Variants in TEX9 observed in about 807,000 individuals in gnomAD.
TEX9 encodes the protein testis-expressed protein 9.
Under a neutral mutation model 59.6 loss-of-function variants are expected in TEX9, and 74 were observed. That is an observed-to-expected ratio of 1.24 (90% confidence interval 1.03 to 1.51). TEX9 has a LOEUF of 1.51. Ranked by LOEUF, TEX9 falls within the 40% of genes most tolerant of loss-of-function variation. The probability of loss-of-function intolerance (pLI) is 0.00; values close to 1 mark genes in which losing one functional copy is unlikely to be tolerated. For missense variants in TEX9, 522 were observed against 447.8 expected (o/e 1.17, Z -1.49); for synonymous variants, 186 against 152.2 (o/e 1.22, Z -1.64).
At chr15:56,324,308 G>A (rs184674572) in intron 1 of TEX9, among the ~76,000 whole-genome samples, 1 of 152,082 alleles carries the variant, frequency 6.6e-6, no homozygotes, top group East Asian at 1.9e-4. Flanking sequence ...CTTCCTGGAA[G>A]CCTGCATATC....
At chr15:56,412,374 A>G (rs1179626037) in exon 10 of TEX9, 2 of 1,613,452 alleles carry the variant, frequency 1.2e-6, no homozygotes, top group Non-Finnish European at 1.7e-6. Flanking sequence ...TCGCTTGAAT[A>G]GAGCTCTAGA....
At chr15:56,270,807 G>A (rs898715436) in intron 1 of TEX9, among the ~76,000 whole-genome samples, 3 of 152,162 alleles carry the variant, frequency 2.0e-5, no homozygotes, top group Admixed American at 2.0e-4. Flanking sequence ...GCTTCCTTCA[G>A]GAGCTCTTGT....
intron 2 of TEX9, 89 bp downstream of exon 2, chr15:56,365,759 C>T (rs1396969830): frequency 1.3e-6 from 2 of 1,553,484 alleles, no homozygotes; most frequent in African/African-American, 2.7e-5. Flanking sequence ...CTGGCTGGAT[C>T]TTCGGGACCA....
chr15:56,423,950 A>C (rs1251596418), intron 10 of TEX9, among the ~76,000 whole-genome samples: 1 of 151,786 alleles, frequency 6.6e-6, no homozygotes, highest in Non-Finnish European at 1.5e-5. Flanking sequence ...AGTCCATTAT[A>C]TCCTTCTTAT....
chr15:56,363,398 A>T (rs1596117267), upstream of TEX9, among the ~76,000 whole-genome samples: 1 of 150,924 alleles, frequency 6.6e-6, no homozygotes, highest in Admixed American at 6.6e-5. Context: ...CAAACTCTTG[A>T]CCTCTGGTGA....
At chr15:56,417,979 GTC>G (rs2049779961) in intron 10 of TEX9, among the ~76,000 whole-genome samples, 1 of 151,574 alleles carries the variant, frequency 6.6e-6, no homozygotes, top group South Asian at 2.1e-4. Flanking sequence ...GAAACGTTTT[GTC>G]TGAAATTAGA....
chr15:56,269,822 T>A (rs2044482056), intron 1 of TEX9, among the ~76,000 whole-genome samples: 1 of 151,694 alleles, frequency 6.6e-6, no homozygotes, highest in South Asian at 2.1e-4. Flanking sequence ...ACCTGGATAA[T>A]TTTTTTTGTA....
intron 1 of TEX9, among the ~76,000 whole-genome samples, chr15:56,358,249 A>G (rs1263528862): frequency 6.6e-6 from 1 of 151,874 alleles, no homozygotes; most frequent in Non-Finnish European, 1.5e-5. Context: ...GATCTTGTTT[A>G]TTTGTGGGGA....
intron 1 of TEX9, among the ~76,000 whole-genome samples, chr15:56,293,316 G>T (rs998245892): frequency 1.3e-5 from 2 of 152,032 alleles, no homozygotes; most frequent in Non-Finnish European, 2.9e-5. Context: ...CAGCATGGGC[G>T]ACAGAGTGAG....
At chr15:56,426,589 G>GTATATATATATATATATATA (rs71110391) in intron 10 of TEX9, among the ~76,000 whole-genome samples, 1 of 24,306 alleles carries the variant, frequency 4.1e-5, no homozygotes, top group African/African-American at 6.4e-5. Flanking sequence ...TTGAAAAGGT[G>GTATATATATATATATATATA]TATATATATA....
chr15:56,281,223 G>T (rs755106365), intron 1 of TEX9, among the ~76,000 whole-genome samples: 40 of 152,188 alleles, frequency 2.6e-4, no homozygotes, highest in Non-Finnish European at 5.9e-5. Flanking sequence ...CCCCTTTAAA[G>T]TTAAATGAAA....
chr15:56,383,393 G>A (rs1235037758), intron 3 of TEX9, among the ~76,000 whole-genome samples: 1 of 152,216 alleles, frequency 6.6e-6, no homozygotes, highest in Non-Finnish European at 1.5e-5. Flanking sequence ...TTGTGATGAT[G>A]TTTTTGTGTG....
chr15:56,252,223 G>A lies in TEX9; in HGVS notation c.-107+7945G>A, dbSNP rs527857630. Among the ~76,000 whole-genome samples, 15 of 149,458 alleles carry A rather than the reference G, an allele frequency of 1.0e-4. No homozygotes were observed. In the South Asian group the frequency reaches 2.1e-3, roughly 21 times the overall value. ...TTGTAGGTTTGTTTGCCTATTTCTT[G>A]CATCTACACTCCCTCTACCTGACTT... On this transcript the variant is annotated intron_variant, in intron 1 of 5. Coordinates refer to the TEX9 transcript ENST00000560827.
intron 12 of TEX9, among the ~76,000 whole-genome samples, chr15:56,437,878 G>C (rs1235249312): frequency 5.9e-5 from 9 of 152,066 alleles, no homozygotes; most frequent in African/African-American, 2.2e-4. Context: ...GCTTCAAAGA[G>C]AATAAAATAC....
intron 1 of TEX9, among the ~76,000 whole-genome samples, chr15:56,263,607 A>G (rs993679820): frequency 2.0e-5 from 3 of 152,124 alleles, no homozygotes; most frequent in South Asian, 2.1e-4. Context: ...AGATAGTTCT[A>G]TGAGTTTTGA....
Position 56,250,772 on chromosome 15 carries a change from A to C in TEX9, c.-107+6494A>C, listed in dbSNP as rs148427696. 1.6e-3 allele frequency among the ~76,000 whole-genome samples: 238 copies of C among 152,232 alleles called. 1 individual carries two copies. Among genetic ancestry groups the C allele is most frequent in the African/African-American group, 4.1e-3 (171 of 41,534 alleles). On this transcript the variant is annotated intron_variant, in intron 1 of 5. Transcript: ENST00000560827. ...TCTTCTTCCTTAGGGAAAAAAAAAA[A>C]CAAAATAATTCAGTTTTGCTCTTAA...
intron 9 of TEX9, 36 bp downstream of exon 9, chr15:56,394,870 A>C (rs1369297088): frequency 6.4e-7 from 1 of 1,574,434 alleles, no homozygotes; most frequent in African/African-American, 1.4e-5. Flanking sequence ...TTAATGCCAC[A>C]GATACAAGAA....
chr15:56,283,874 T>C (rs1454255754), intron 1 of TEX9, among the ~76,000 whole-genome samples: 2 of 152,132 alleles, frequency 1.3e-5, no homozygotes, highest in South Asian at 2.1e-4. Flanking sequence ...TAAATTGATA[T>C]ACAAAGGGAT....
chr15:56,261,398 G>C (rs1445127546), intron 1 of TEX9, among the ~76,000 whole-genome samples: 1 of 151,846 alleles, frequency 6.6e-6, no homozygotes, highest in African/African-American at 2.4e-5. Context: ...AACCCACACA[G>C]TAATTTTAAC....
Sources: allele counts gnomAD v4.1 joint callset (sites outside exome capture counted in the v4.1 genomes callset), GRCh38; gene constraint gnomAD v4.1.1; transcripts MANE v1.5; gene names NCBI Gene and HGNC (gene_info 2026-07-23, HGNC 2026-07-21).